Variants in CELF2 observed in about 807,000 individuals in gnomAD.
The protein encoded by CELF2 is CUGBP Elav-like family member 2.
CELF2 carries 8 observed loss-of-function variants against 62.6 expected under a neutral mutation model. The ratio of observed to expected loss-of-function variants is 0.13; its 90% CI spans 0.07 to 0.23. The LOEUF is 0.23. Among genes scored for constraint, CELF2 ranks in the 10% least tolerant of loss-of-function variants. CELF2 has a pLI of 1.00. For missense variants in CELF2, 333 were observed against 671.0 expected, an observed-to-expected ratio of 0.50 and a Z score of 5.56; for synonymous variants, 258 against 250.0, an observed-to-expected ratio of 1.03 and a Z score of -0.30.
At chr10:10,500,536 C>T in the CELF2 span, among the ~76,000 whole-genome samples, 1 of 152,156 alleles carries the variant, frequency 6.6e-6, no homozygotes. Flanking sequence ...CTCTTGCCTG[C>T]CGCCATGTAA....
At position 11,242,862 on chromosome 10, in the gene CELF2, C is replaced by T. The variant is rs998627979; in HGVS notation, c.355-6291C>T. Among the ~76,000 whole-genome samples, 1 of 152,068 alleles carries T rather than the reference C, an allele frequency of 6.6e-6. No individual in the cohort carries two copies. The highest frequency in any genetic ancestry group is 1.5e-5 in the Non-Finnish European group (1 of 68,012). ...CCAGGAGGTGGGACGAAGGGGGAGG[C>T]CTGATGCTGGGAGGCTTGTGTGGTC... is the stretch of plus-strand genomic sequence containing the variant. On this transcript the variant is annotated intron_variant, in intron 3 of 12. Transcript: ENST00000633077. This position sits in a 1 kb window ranked among gnomAD's most constrained non-coding sequence, Gnocchi z 4.8.
intron 2 of CELF2, among the ~76,000 whole-genome samples, chr10:10,921,245 G>GTGC (rs1426578724): frequency 6.6e-6 from 1 of 151,362 alleles, no homozygotes; most frequent in Admixed American, 6.6e-5. Context: ...ATGAACCACT[G>GTGC]TGCCCGGCCA....
chr10:11,096,055 C>T (rs1371493516), intron 1 of CELF2, among the ~76,000 whole-genome samples: 1 of 152,186 alleles, frequency 6.6e-6, no homozygotes, highest in Non-Finnish European at 1.5e-5. Context: ...TGTACTGATA[C>T]CCGATTTTGC....
intron 1 of CELF2, among the ~76,000 whole-genome samples, chr10:11,021,100 C>CT (rs1376555374): frequency 6.6e-6 from 1 of 151,832 alleles, no homozygotes; most frequent in Non-Finnish European, 1.5e-5. Flanking sequence ...TTTGATTCAC[C>CT]TTTTTAATGA....
At position 11,224,186 on chromosome 10, in the gene CELF2, G is replaced by C. The variant is rs959936947; in HGVS notation, c.354+6679G>C. On this transcript the variant is annotated intron_variant, in intron 3 of 12. Coordinates refer to ENST00000633077, the MANE Select transcript of CELF2 (RefSeq NM_001326342.2). The surrounding 1 kb of genome is among the most constrained non-coding windows in gnomAD (Gnocchi z 4.5). ...CTTTTGGCCTCAGAACCCAGTGGAAGGCAATGTTTAGTTTTGCAAACAACG... is the reference window on the plus strand; with the variant it reads ...CTTTTGGCCTCAGAACCCAGTGGAACGCAATGTTTAGTTTTGCAAACAACG... 6.6e-6 allele frequency among the ~76,000 whole-genome samples: 1 copy of C among 152,182 alleles called. No individual in the cohort carries two copies. Among genetic ancestry groups the C allele is most frequent in the Non-Finnish European group, 1.5e-5 (1 of 68,042 alleles).
the CELF2 span, among the ~76,000 whole-genome samples, chr10:10,647,596 T>C: frequency 1.3e-5 from 2 of 152,348 alleles, no homozygotes; most frequent in South Asian, 4.1e-4. Context: ...GCATTTTACA[T>C]GGTGCCTCCG....
intron 1 of CELF2, chr10:10,846,195 T>G (rs891519510): frequency 2.4e-6 from 2 of 826,460 alleles, no homozygotes; most frequent in African/African-American, 3.7e-5. Context: ...TGCTAAGACT[T>G]GGCATTTTTG....
chr10:11,059,982 A>G (rs896173941), intron 1 of CELF2, among the ~76,000 whole-genome samples: 3 of 152,224 alleles, frequency 2.0e-5, no homozygotes, highest in Non-Finnish European at 4.4e-5. Context: ...TTTTTCTTGG[A>G]TTCTTTTTAT....
intron 1 of CELF2, among the ~76,000 whole-genome samples, chr10:11,151,720 C>T (rs890442736): frequency 4.0e-4 from 60 of 151,772 alleles, no homozygotes; most frequent in African/African-American, 1.3e-3. Context: ...AACTTGAGTC[C>T]CTGGATGTTT....
At chr10:10,806,992 T>G (rs7083737) in intron 1 of CELF2, among the ~76,000 whole-genome samples, 108,449 of 152,138 alleles carry the variant, frequency 0.71, 38,912 homozygotes, top group African/African-American at 0.79. Flanking sequence ...GATAAACTAA[T>G]ACTATTCTTG....
chr10:10,719,893 C>A, the CELF2 span, among the ~76,000 whole-genome samples: 6 of 152,338 alleles, frequency 3.9e-5, no homozygotes, highest in East Asian at 1.2e-3. Context: ...AATTCATAAC[C>A]TAGTCTGAAA....
chr10:10,888,428 T>C (rs1462275867), intron 1 of CELF2, among the ~76,000 whole-genome samples: 14 of 152,198 alleles, frequency 9.2e-5, no homozygotes. Context: ...AGCTAAAAAT[T>C]GCCATGTGAT....
At chr10:10,978,509 G>A (rs1437123625) in intron 2 of CELF2, among the ~76,000 whole-genome samples, 7 of 152,206 alleles carry the variant, frequency 4.6e-5, no homozygotes, top group Non-Finnish European at 1.0e-4. Flanking sequence ...GACGTGGTTT[G>A]TGTGTTTTAA....
intron 3 of CELF2, among the ~76,000 whole-genome samples, chr10:11,219,036 C>T (rs1447489723): frequency 4.6e-5 from 7 of 152,186 alleles, no homozygotes; most frequent in Admixed American, 2.0e-4. Flanking sequence ...ATGAGCATGC[C>T]GAATCCCTTC....
At chr10:10,674,255 C>T in the CELF2 span, among the ~76,000 whole-genome samples, 8 of 152,040 alleles carry the variant, frequency 5.3e-5, no homozygotes, top group African/African-American at 1.9e-4. Context: ...AGAATTGATC[C>T]CATTTTTATT....
chr10:10,602,857 C>G, the CELF2 span, among the ~76,000 whole-genome samples: 1 of 152,050 alleles, frequency 6.6e-6, no homozygotes, highest in African/African-American at 2.4e-5. Flanking sequence ...CATGAATGAG[C>G]CACAAAATCG....
chr10:11,049,558 T>TA (rs368708381), intron 1 of CELF2, among the ~76,000 whole-genome samples: 20,061 of 96,696 alleles, frequency 0.21, 2,297 homozygotes, highest in Middle Eastern at 0.33. Context: ...CTTTCTTTAG[T>TA]AAAAAAAAAA....
At position 11,306,616 on chromosome 10, in the gene CELF2, C is replaced by T. The variant is rs997825647; in HGVS notation, c.977-7523C>T. 6.6e-6 allele frequency among the ~76,000 whole-genome samples: 1 copy of T among 152,200 alleles called. No individual in the cohort carries two copies. The highest frequency in any genetic ancestry group is 1.5e-5 in the Non-Finnish European group (1 of 68,032). On this transcript the variant is annotated intron_variant, in intron 9 of 12. Coordinates refer to ENST00000633077, the MANE Select transcript of CELF2 (RefSeq NM_001326342.2). The surrounding 1 kb of genome is among the most constrained non-coding windows in gnomAD (Gnocchi z 4.4). ...AATGTACAATAAAACTACCCTCTTA[C>T]AACTGAGATGCCAGTTGGGGTGAAT...
intron 1 of CELF2, among the ~76,000 whole-genome samples, chr10:11,163,235 C>T (rs1027898133): frequency 6.6e-6 from 1 of 152,230 alleles, no homozygotes; most frequent in Admixed American, 6.5e-5. Context: ...ACATTATGTG[C>T]TCCGCAGATG....
Sources: allele counts gnomAD v4.1 joint callset (sites outside exome capture counted in the v4.1 genomes callset), GRCh38; gene constraint gnomAD v4.1.1; non-coding constraint Gnocchi (gnomAD v3.1); transcripts MANE v1.5; gene names NCBI Gene and HGNC (gene_info 2026-07-23, HGNC 2026-07-21).